KDM2A: variants seen among roughly 807,000 people sequenced by gnomAD.
The protein encoded by KDM2A is lysine-specific demethylase 2A.
A neutral mutation model predicts 137.3 loss-of-function variants in KDM2A; 3 were observed. The observed-to-expected ratio is 0.02, with a 90% CI of 0.01 to 0.06. The LOEUF is 0.06. KDM2A is among the 10% of genes least tolerant of loss of function. KDM2A has a pLI of 1.00. For synonymous variants in KDM2A, 512 were observed against 541.5 expected (o/e 0.95, Z 0.76); for missense variants, 738 against 1,510.6 (o/e 0.49, Z 8.48).
At chr11:67,185,781 G>A (rs989293895) in intron 5 of KDM2A, among the ~76,000 whole-genome samples, 3 of 152,022 alleles carry the variant, frequency 2.0e-5, no homozygotes, top group Non-Finnish European at 4.4e-5. Flanking sequence ...TGTTATAAAA[G>A]CATGAGTTCG....
intron 6 of KDM2A, among the ~76,000 whole-genome samples, chr11:67,208,833 C>T (rs992221405): frequency 1.3e-5 from 2 of 151,608 alleles, no homozygotes; most frequent in Non-Finnish European, 2.9e-5. Flanking sequence ...AATCCCAACA[C>T]TTTGAGAGGC....
At chr11:67,142,182 G>A (rs1856120197) in intron 2 of KDM2A, among the ~76,000 whole-genome samples, 1 of 151,682 alleles carries the variant, frequency 6.6e-6, no homozygotes. Context: ...GTTTACAGGT[G>A]TGCATCACCA....
chr11:67,134,884 T>G (rs529341382), intron 2 of KDM2A, among the ~76,000 whole-genome samples: 6 of 152,280 alleles, frequency 3.9e-5, no homozygotes, highest in African/African-American at 1.2e-4. Flanking sequence ...TTTGCAAAAG[T>G]AAGCATGAAG....
At chr11:67,145,441 G>T (rs564608321) in intron 2 of KDM2A, among the ~76,000 whole-genome samples, 1 of 151,964 alleles carries the variant, frequency 6.6e-6, no homozygotes, top group Non-Finnish European at 1.5e-5. Flanking sequence ...AGTGAGCTGA[G>T]ATTGTGCCAC....
At chr11:67,228,651 A>T (rs1237523261) in intron 11 of KDM2A, among the ~76,000 whole-genome samples, 1 of 147,770 alleles carries the variant, frequency 6.8e-6, no homozygotes, top group Non-Finnish European at 1.5e-5. Flanking sequence ...ATGCCACTGC[A>T]CTCTAGCCTG....
intron 2 of KDM2A, among the ~76,000 whole-genome samples, chr11:67,176,633 C>T (rs1856977686): frequency 2.0e-5 from 3 of 152,156 alleles, no homozygotes; most frequent in African/African-American, 7.2e-5. Flanking sequence ...GGTGGTATAG[C>T]CTACTACGCA....
At chr11:67,190,207 C>T (rs755581368) in intron 5 of KDM2A, among the ~76,000 whole-genome samples, 3 of 152,084 alleles carry the variant, frequency 2.0e-5, no homozygotes, top group African/African-American at 4.8e-5. Context: ...GTGAGGAGTT[C>T]GAGACTAGCC....
chr11:67,162,541 A>G (rs1856656972), intron 2 of KDM2A, among the ~76,000 whole-genome samples: 1 of 151,884 alleles, frequency 6.6e-6, no homozygotes, highest in South Asian at 2.1e-4. Flanking sequence ...AGTAGCTGGC[A>G]TTTATAGGCA....
chr11:67,172,616 T>TTGTGTG lies in KDM2A; in HGVS notation c.43-7434_43-7429dup, dbSNP rs35333315. ...GAACTGATTTTATTAGCTCTTATAG[T>TTGTGTG]TGTGTGTGTGTGTGTGTGTGTGTGT... On this transcript the variant is annotated intron_variant, in intron 2 of 20. Transcript: ENST00000529006. Among the ~76,000 whole-genome samples the TTGTGTG allele has an allele frequency of 6.3e-3, 925 of 146,518 alleles. 12 individuals carry two copies. The highest frequency in any genetic ancestry group is 0.022 in the African/African-American group (872 of 39,752).
intron 6 of KDM2A, among the ~76,000 whole-genome samples, chr11:67,210,457 A>G (rs978005526): frequency 6.6e-6 from 1 of 152,208 alleles, no homozygotes; most frequent in Non-Finnish European, 1.5e-5. Flanking sequence ...GAAATGTCTC[A>G]CTATTCCACA....
chr11:67,152,917 T>A (rs1223389467), intron 2 of KDM2A, among the ~76,000 whole-genome samples: 20 of 11,960 alleles, frequency 1.7e-3, no homozygotes, highest in African/African-American at 2.9e-3. Context: ...TGTGTGTGTG[T>A]GTGTGTGTGT....
intron 5 of KDM2A, among the ~76,000 whole-genome samples, chr11:67,193,078 C>A (rs1303952201): frequency 6.6e-6 from 1 of 152,176 alleles, no homozygotes; most frequent in East Asian, 1.9e-4. Flanking sequence ...CAACCTCCGC[C>A]TCCCAGGTTC....
At chr11:67,192,081 T>G (rs1183156670) in intron 5 of KDM2A, among the ~76,000 whole-genome samples, 1 of 152,224 alleles carries the variant, frequency 6.6e-6, no homozygotes, top group Non-Finnish European at 1.5e-5. Flanking sequence ...GATCCACTTG[T>G]GTACAACTTA....
intron 2 of KDM2A, among the ~76,000 whole-genome samples, chr11:67,133,259 T>C (rs12271777): frequency 0.12 from 18,270 of 150,780 alleles, 3,086 homozygotes; most frequent in African/African-American, 0.38. Flanking sequence ...GCCACCACAC[T>C]GCGCTAATTT....
rs1393656311 is a variant in KDM2A, at chr11:67,255,731, A to G, written c.*676A>G. 7.9e-6 allele frequency: 3 copies of G among 378,842 alleles called. No homozygotes were observed. Among genetic ancestry groups the G allele is most frequent in the Non-Finnish European group, 1.1e-5 (2 of 188,184 alleles). 23.5% of individuals were successfully genotyped at this position (378,842 alleles called of 1,614,324 possible). A position where few individuals can be genotyped will look rare whatever the true frequency, so the allele number is the denominator to read the frequency against. ...CTACCCGACTTACTTGCTAGTCTCT[A>G]TGAGGTCCTTATTGCACTTATTGGG... On this transcript the variant is annotated 3_prime_UTR_variant, in exon 21 of 21. Transcript: ENST00000529006.
At chr11:67,125,320 A>G (rs1352134128) in intron 2 of KDM2A, among the ~76,000 whole-genome samples, 1 of 151,640 alleles carries the variant, frequency 6.6e-6, no homozygotes, top group Non-Finnish European at 1.5e-5. Flanking sequence ...AGCTAGGACT[A>G]CAGCCCTGTG....
chr11:67,123,883 G>A (rs2136276524), intron 2 of KDM2A, among the ~76,000 whole-genome samples: 1 of 152,014 alleles, frequency 6.6e-6, no homozygotes, highest in East Asian at 1.9e-4. Context: ...CACCTTGTTG[G>A]CCAGGCTGGT....
At chr11:67,252,484 T>G in intron 17 of KDM2A, 4 of 581,474 alleles carry the variant, frequency 6.9e-6, no homozygotes, top group Admixed American at 2.8e-5. Flanking sequence ...ACTATCAACA[T>G]GTAGGTTTGC....
At chr11:67,149,641 C>G (rs1038862956) in intron 2 of KDM2A, among the ~76,000 whole-genome samples, 2 of 151,276 alleles carry the variant, frequency 1.3e-5, no homozygotes, top group African/African-American at 2.4e-5. Context: ...CATACATACA[C>G]ATGCATTTTA....
Sources: allele counts gnomAD v4.1 joint callset (sites outside exome capture counted in the v4.1 genomes callset), GRCh38; gene constraint gnomAD v4.1.1; transcripts MANE v1.5; gene names NCBI Gene and HGNC (gene_info 2026-07-23, HGNC 2026-07-21).